SCN2A: variants seen among roughly 807,000 people sequenced by gnomAD.
The protein encoded by SCN2A is sodium voltage-gated channel alpha subunit 2.
Under a neutral mutation model 188.7 loss-of-function variants are expected in SCN2A, and 20 were observed. The ratio of observed to expected loss-of-function variants is 0.11; its 90% confidence interval spans 0.07 to 0.15. The LOEUF (loss-of-function observed/expected upper bound fraction) is 0.15. SCN2A is among the 10% of genes least tolerant of loss of function. The probability of loss-of-function intolerance (pLI) is 1.00; values close to 1 mark genes in which losing one functional copy is unlikely to be tolerated. For synonymous variants in SCN2A, 804 were observed against 833.1 expected (o/e 0.97, Z 0.60); for missense variants, 1,278 against 2,445.0 (o/e 0.52, Z 10.07).
At chr2:165,265,218 A>C (rs1160637719) in intron 1 of SCN2A, among the ~76,000 whole-genome samples, 1 of 151,662 alleles carries the variant, frequency 6.6e-6, no homozygotes, top group Non-Finnish European at 1.5e-5. Context: ...CATTTCTCTA[A>C]TGATAAGTGA....
intron 17 of SCN2A, among the ~76,000 whole-genome samples, chr2:165,355,929 G>A (rs1700160240): frequency 6.6e-6 from 1 of 150,590 alleles, no homozygotes; most frequent in Admixed American, 6.6e-5. Context: ...AACCCAGGAG[G>A]CAGAGATTGC....
At chr2:165,371,438 G>T (rs189184643) in intron 20 of SCN2A, 2 of 152,296 alleles carry the variant, frequency 1.3e-5, no homozygotes, top group African/African-American at 4.8e-5. Context: ...GAGGACAGCT[G>T]CGTACACAGT....
Position 165,386,447 on chromosome 2 carries a change from G to A in SCN2A, c.4552-299G>A, listed in dbSNP as rs549397011. 1.4e-4 allele frequency among the ~76,000 whole-genome samples: 22 copies of A among 152,112 alleles called. No homozygotes were observed. The East Asian group carries it at 1.9e-3, about 13-fold the overall frequency. The stretch of plus-strand genomic sequence containing the variant: ...CCACTGCACTCCAACCTGTGCAACA[G>A]AGCGAGACTCCATCTCAAAAAATAA... On this transcript the variant is annotated intron_variant, in intron 25 of 26. Transcript: ENST00000375437.
At position 165,284,908 on chromosome 2, in the gene SCN2A, A is replaced by C. The variant is rs75692699; in HGVS notation, c.-51-10865A>C. Among the ~76,000 whole-genome samples the C allele has an allele frequency of 3.2e-3, 487 of 152,326 alleles. 3 individuals carry two copies. Among genetic ancestry groups the C allele is most frequent in the African/African-American group, 0.011 (450 of 41,576 alleles). On this transcript the variant is annotated intron_variant, in intron 1 of 26. Coordinates refer to ENST00000375437, the MANE Select transcript of SCN2A (RefSeq NM_001040142.2). ...CTTGGAAGTCTGCTAACATGCACTT[A>C]ATACATCTGAAGATTTTAAAACGTT...
Position 165,359,433 on chromosome 2 carries a change from A to G in SCN2A, c.3399+4762A>G, listed in dbSNP as rs368657085. On this transcript the variant is annotated intron_variant, in intron 17 of 26. Transcript: ENST00000375437. ...GATACTTGAGGCATATTATCCATCA[A>G]CGTATCTAGGGGATTCAGCTGGAGT... Among the ~76,000 whole-genome samples the G allele has an allele frequency of 9.2e-5, 14 of 152,170 alleles. 1 individual carries two copies. In the South Asian group the frequency reaches 1.0e-3, roughly 11 times the overall value.
chr2:165,391,747 TC>T lies in SCN2A; in HGVS notation c.*1925del, dbSNP rs1702131505. 1 of 152,486 alleles carries T rather than the reference TC, an allele frequency of 6.6e-6. No individual in the cohort carries two copies. Among genetic ancestry groups the T allele is most frequent in the African/African-American group, 2.4e-5 (1 of 41,456 alleles). The allele number at this position is 152,486 out of a possible 1,614,324, so 9.4% of individuals were successfully genotyped here. A position where few individuals can be genotyped will look rare whatever the true frequency, so the allele number is the denominator to read the frequency against. On this transcript the variant is annotated 3_prime_UTR_variant, in exon 27 of 27. Coordinates refer to ENST00000375437, the MANE Select transcript of SCN2A (RefSeq NM_001040142.2). ...TTTTATTCAGTAATCATCAGTCTTT[TC>T]CAATGTTTGTTTACACAGATAGATC...
At chr2:165,264,710 C>T (rs1261914043) in intron 1 of SCN2A, among the ~76,000 whole-genome samples, 1 of 152,050 alleles carries the variant, frequency 6.6e-6, no homozygotes, top group East Asian at 1.9e-4. Context: ...TGCCTGCAAA[C>T]ATGTCATATT....
chr2:165,345,848 G>A (rs1699556444), intron 16 of SCN2A, among the ~76,000 whole-genome samples: 1 of 152,082 alleles, frequency 6.6e-6, no homozygotes, highest in African/African-American at 2.4e-5. Flanking sequence ...GGCTGGTACT[G>A]GTTTTTCCTT....
At chr2:165,353,968 T>C (rs1230949734) in intron 16 of SCN2A, among the ~76,000 whole-genome samples, 1 of 152,232 alleles carries the variant, frequency 6.6e-6, no homozygotes, top group Non-Finnish European at 1.5e-5. Context: ...ATGATTTCAG[T>C]ATTTTCTGCA....
intron 1 of SCN2A, chr2:165,266,510 A>G (rs1385395854): frequency 6.6e-6 from 1 of 152,112 alleles, no homozygotes; most frequent in Admixed American, 6.6e-5. Flanking sequence ...CAAGTTTCCC[A>G]AACAAGAATC....
chr2:165,352,535 A>T (rs181681018), intron 16 of SCN2A, among the ~76,000 whole-genome samples: 69 of 152,288 alleles, frequency 4.5e-4, no homozygotes, highest in Admixed American at 1.3e-3. Flanking sequence ...CTACTTTTGT[A>T]CTACAGTTTG....
At chr2:165,334,954 C>A (rs2390163) in intron 14 of SCN2A, among the ~76,000 whole-genome samples, 29,725 of 151,250 alleles carry the variant, frequency 0.2, 3,423 homozygotes, top group African/African-American at 0.32. Context: ...AATTATATTT[C>A]TAAACACTAC....
In SCN2A at chr2:165,296,000, A is replaced by C. The variant is rs796053110; in HGVS notation, c.177A>C (p.Gly59=). The C allele has an allele frequency of 6.2e-7, 1 of 1,614,182 alleles. No individual in the cohort carries two copies. The highest frequency in any genetic ancestry group is 8.5e-7 in the Non-Finnish European group (1 of 1,180,016). The change falls in exon 2 of 27, where the codon GGA becomes GGC. Residue 59 remains glycine, a synonymous_variant. Coordinates refer to ENST00000375437, the MANE Select transcript of SCN2A (RefSeq NM_001040142.2). ...GPKPNSDLEA[G]KSLPFIYGDI... ...AGCCAAACAGTGACTTGGAAGCAGG[A>C]AAATCTCTTCCATTTATTTATGGAG... is the stretch of plus-strand genomic sequence containing the variant.
chr2:165,374,817 T>C lies in SCN2A; in HGVS notation c.4105T>C (p.Tyr1369His). The C allele has an allele frequency of 6.2e-7, 1 of 1,613,632 alleles. No individual in the cohort carries two copies. ...TGGCAAGTTTTACCATTGTATTAATTACACCACTGGAGAGATGTTTGATGT... is the reference window on the plus strand; with the variant it reads ...TGGCAAGTTTTACCATTGTATTAATCACACCACTGGAGAGATGTTTGATGT... ...FAGKFYHCINYTTGEMFDVSV... is the reference protein window; with the variant it reads ...FAGKFYHCINHTTGEMFDVSV... Residue 1369 changes from tyrosine (Y) to histidine (H), a missense_variant, in exon 22 of 27, where the codon TAC becomes CAC. By Grantham distance (83) the Tyr-to-His change is moderately conservative. Transcript: ENST00000375437.
At position 165,354,379 on chromosome 2, in the gene SCN2A, T is replaced by C. The variant is rs774256116; in HGVS notation, c.3107T>C (p.Leu1036Ser). The change falls in exon 17 of 27, where the codon TTA (leucine) becomes TCA (serine). Residue 1036 changes from leucine (L) to serine (S), a missense_variant. Coordinates refer to ENST00000375437, the MANE Select transcript of SCN2A (RefSeq NM_001040142.2). ...QKAFVRKQKA[L>S]DEIKPLEDLN... is the part of the protein sequence containing the mutation. ...GCCTTTGTTAGGAAGCAGAAAGCTT[T>C]AGATGAAATTAAACCGCTTGAAGAT... is the stretch of plus-strand genomic sequence containing the variant. 5.6e-6 allele frequency: 9 copies of C among 1,613,856 alleles called. No individual in the cohort carries two copies. Among genetic ancestry groups the C allele is most frequent in the South Asian group, 1.1e-5 (1 of 91,072 alleles).
chr2:165,239,658 T>C lies in SCN2A; in HGVS notation c.-52+18T>C, dbSNP rs1574416656. 1.0e-6 allele frequency: 1 copy of C among 972,514 alleles called. No homozygotes were observed. The allele number at this position is 972,514 out of a possible 1,614,324, so 60.2% of individuals were successfully genotyped here. A position where few individuals can be genotyped will look rare whatever the true frequency, so the allele number is the denominator to read the frequency against. Reference sequence around the variant, plus strand: ...TATTTCAGGTAAGCCAGCATGATTCTATTTTTGACTTATCCACGGATTGTT... The same window carrying C: ...TATTTCAGGTAAGCCAGCATGATTCCATTTTTGACTTATCCACGGATTGTT... On this transcript the variant is annotated intron_variant, in intron 1 of 26. Coordinates refer to ENST00000375437, the MANE Select transcript of SCN2A (RefSeq NM_001040142.2).
chr2:165,294,344 G>A (rs981010600), intron 1 of SCN2A, among the ~76,000 whole-genome samples: 13 of 152,032 alleles, frequency 8.6e-5, no homozygotes, highest in Admixed American at 2.0e-4. Context: ...TATGTCTGTC[G>A]CTAGGCATGA....
intron 1 of SCN2A, among the ~76,000 whole-genome samples, chr2:165,249,834 A>G (rs1261064097): frequency 6.6e-6 from 1 of 152,082 alleles, no homozygotes; most frequent in Non-Finnish European, 1.5e-5. Context: ...ACTAGCTATG[A>G]TAAAATTGAT....
chr2:165,374,987 T>C, intron 22 of SCN2A, 21 bp downstream of exon 22: 1 of 1,604,716 alleles, frequency 6.2e-7, no homozygotes, highest in Non-Finnish European at 8.5e-7. Context: ...ACTTTATTAT[T>C]TTCCATGATG....
Sources: allele counts gnomAD v4.1 joint callset (sites outside exome capture counted in the v4.1 genomes callset), GRCh38; gene constraint gnomAD v4.1.1; transcripts MANE v1.5; gene names NCBI Gene and HGNC (gene_info 2026-07-23, HGNC 2026-07-21).